SLC10A7: variants seen among roughly 807,000 people sequenced by gnomAD.
The protein encoded by SLC10A7 is sodium/bile acid cotransporter 7.
SLC10A7 carries 29 observed loss-of-function variants against 43.2 expected under a neutral mutation model. The ratio of observed to expected loss-of-function variants is 0.67; its 90% confidence interval spans 0.50 to 0.92. The LOEUF (loss-of-function observed/expected upper bound fraction) is 0.92. SLC10A7 is among the 40% of genes least tolerant of loss of function. The probability of loss-of-function intolerance (pLI) is 0.00; values close to 1 mark genes in which losing one functional copy is unlikely to be tolerated. For missense variants in SLC10A7, 295 were observed against 403.2 expected (o/e 0.73, Z 2.30); for synonymous variants, 152 against 144.8 (o/e 1.05, Z -0.35).
chr4:146,470,710 G>A (rs1052817215), intron 4 of SLC10A7, among the ~76,000 whole-genome samples: 3 of 152,026 alleles, frequency 2.0e-5, no homozygotes, highest in African/African-American at 7.3e-5. Context: ...TTTTTCACCA[G>A]ATATATGATA....
intron 4 of SLC10A7, among the ~76,000 whole-genome samples, chr4:146,488,947 T>C (rs1428989753): frequency 2.0e-5 from 3 of 152,214 alleles, no homozygotes; most frequent in Non-Finnish European, 4.4e-5. Flanking sequence ...ACATTTCCTG[T>C]GTCCCTCATC....
intron 2 of SLC10A7, among the ~76,000 whole-genome samples, chr4:146,516,483 T>C (rs548595335): frequency 8.8e-5 from 13 of 148,120 alleles, no homozygotes; most frequent in African/African-American, 2.7e-4. Flanking sequence ...TATGTGTATA[T>C]ATATACACAT....
chr4:146,278,867 T>C (rs1239586317), intron 10 of SLC10A7, among the ~76,000 whole-genome samples: 1 of 152,164 alleles, frequency 6.6e-6, no homozygotes, highest in Non-Finnish European at 1.5e-5. Context: ...AGGGATGTGC[T>C]CTTTATCCTA....
intron 5 of SLC10A7, among the ~76,000 whole-genome samples, chr4:146,354,277 T>G (rs1735386170): frequency 6.6e-6 from 1 of 151,442 alleles, no homozygotes; most frequent in African/African-American, 2.4e-5. Flanking sequence ...ATGAGTGAAC[T>G]CCCATTCACA....
chr4:146,356,944 T>G lies in SLC10A7; in HGVS notation c.436-30948A>C, dbSNP rs1002648955. On this transcript the variant is annotated intron_variant, in intron 5 of 11. Transcript: ENST00000335472. ...ATACAGTATACCTTTATTGAAAGTT[T>G]CCAAGGAATAAACTTGCAAGGAAAC... Among the ~76,000 whole-genome samples the G allele has an allele frequency of 2.0e-5, 3 of 152,200 alleles. No individual in the cohort carries two copies. In the East Asian group the frequency reaches 5.8e-4, roughly 29 times the overall value.
At chr4:146,406,441 G>C (rs1379090531) in intron 5 of SLC10A7, among the ~76,000 whole-genome samples, 1 of 151,968 alleles carries the variant, frequency 6.6e-6, no homozygotes, top group Non-Finnish European at 1.5e-5. Context: ...ATTTATTTTG[G>C]ACCATATTAG....
intron 5 of SLC10A7, among the ~76,000 whole-genome samples, chr4:146,432,592 G>A (rs970266671): frequency 6.6e-6 from 1 of 152,186 alleles, no homozygotes; most frequent in African/African-American, 2.4e-5. Flanking sequence ...AGAGACTGAG[G>A]ATAAGGGAGG....
chr4:146,426,409 T>C (rs1177025388), intron 5 of SLC10A7, among the ~76,000 whole-genome samples: 1 of 152,204 alleles, frequency 6.6e-6, no homozygotes, highest in Non-Finnish European at 1.5e-5. Flanking sequence ...CCAGGTGCTG[T>C]GGCTCACATC....
intron 4 of SLC10A7, among the ~76,000 whole-genome samples, chr4:146,486,693 T>G (rs1734948464): frequency 6.6e-6 from 1 of 152,192 alleles, no homozygotes; most frequent in Non-Finnish European, 1.5e-5. Context: ...CAGAAGTTCT[T>G]TTATGTTTGA....
In SLC10A7 at chr4:146,293,920, T is replaced by C. The variant is rs1214386957; in HGVS notation, c.721+10A>G. 1 of 1,599,762 alleles carries C rather than the reference T, an allele frequency of 6.3e-7. No individual in the cohort carries two copies. Among genetic ancestry groups the C allele is most frequent in the South Asian group, 1.1e-5 (1 of 88,496 alleles). ...GAGGGATAGCCAGGCTATCCCATTT[T>C]CCAACTTACTTATGAACAGTATGAG... is the stretch of plus-strand genomic sequence containing the variant. On this transcript the variant is annotated intron_variant, in intron 8 of 11. Transcript: ENST00000335472.
At position 146,396,016 on chromosome 4, in the gene SLC10A7, G is replaced by A. The variant is rs191203819; in HGVS notation, c.435+46767C>T. Among the ~76,000 whole-genome samples the A allele has an allele frequency of 2.8e-4, 43 of 152,152 alleles. No individual in the cohort carries two copies. In the East Asian group the frequency reaches 4.4e-3, roughly 16 times the overall value. On this transcript the variant is annotated intron_variant, in intron 5 of 11. Coordinates refer to ENST00000335472, the MANE Select transcript of SLC10A7 (RefSeq NM_001029998.6). Reference sequence around the variant, plus strand: ...GTATCATGGATTGCTCTCATTATACGACAATCTACGAGGTTTTTCTCCCAC... The same window carrying A: ...GTATCATGGATTGCTCTCATTATACAACAATCTACGAGGTTTTTCTCCCAC...
At chr4:146,445,782 C>T (rs975147084) in intron 4 of SLC10A7, among the ~76,000 whole-genome samples, 2 of 152,074 alleles carry the variant, frequency 1.3e-5, no homozygotes, top group Admixed American at 6.6e-5. Flanking sequence ...GAAAATCTTC[C>T]GCGGGAGTCT....
At chr4:146,367,138 G>C (rs980375750) in intron 5 of SLC10A7, among the ~76,000 whole-genome samples, 14 of 152,020 alleles carry the variant, frequency 9.2e-5, no homozygotes, top group Admixed American at 2.0e-4. Flanking sequence ...AAGATATCAA[G>C]ATGAATACCA....
At chr4:146,519,095 AT>A (rs768498569) in intron 1 of SLC10A7, among the ~76,000 whole-genome samples, 6,782 of 109,870 alleles carry the variant, frequency 0.062, 774 homozygotes, top group Admixed American at 0.11. Context: ...ATATATATAT[AT>A]ATATATATAT....
At chr4:146,307,536 C>A (rs533206821) in intron 6 of SLC10A7, among the ~76,000 whole-genome samples, 11 of 152,212 alleles carry the variant, frequency 7.2e-5, no homozygotes, top group African/African-American at 2.4e-4. Context: ...ATTCTCTCCA[C>A]AAATATTAAC....
intron 4 of SLC10A7, among the ~76,000 whole-genome samples, chr4:146,483,936 G>T (rs1031199013): frequency 2.0e-5 from 3 of 152,152 alleles, no homozygotes; most frequent in Non-Finnish European, 4.4e-5. Flanking sequence ...CATAACCACA[G>T]TAAATATTTA....
intron 11 of SLC10A7, chr4:146,256,914 G>A (rs748865790): frequency 5.2e-6 from 8 of 1,536,254 alleles, no homozygotes; most frequent in Non-Finnish European, 7.0e-6. Flanking sequence ...GTTAGCCAGT[G>A]GCCCCCTGGT....
Position 146,470,645 on chromosome 4 carries a change from T to C in SLC10A7, c.397-27824A>G, listed in dbSNP as rs548442620. Among the ~76,000 whole-genome samples, 56 of 152,280 alleles carry C rather than the reference T, an allele frequency of 3.7e-4. No individual in the cohort carries two copies. In the South Asian group the frequency reaches 0.011, roughly 29 times the overall value. On this transcript the variant is annotated intron_variant, in intron 4 of 11. Coordinates refer to ENST00000335472, the MANE Select transcript of SLC10A7 (RefSeq NM_001029998.6). Reference sequence around the variant, plus strand: ...AACTTGAACACAGTTTTTCCTAGAGTATTAAAATGATGTTTACATATTTAT... The same window carrying C: ...AACTTGAACACAGTTTTTCCTAGAGCATTAAAATGATGTTTACATATTTAT...
At chr4:146,292,798 G>A (rs1395639059) in intron 9 of SLC10A7, 131 bp downstream of exon 9, 6 of 608,646 alleles carry the variant, frequency 9.9e-6, no homozygotes, top group Admixed American at 7.0e-5. Context: ...AGGCAGAATG[G>A]TCAGGGAGAC....
Sources: gnomAD v4.1 joint callset for allele counts (sites outside exome capture counted in the v4.1 genomes callset) on GRCh38, gnomAD v4.1.1 for gene constraint, MANE v1.5 for transcripts, NCBI Gene and HGNC (gene_info 2026-07-23, HGNC 2026-07-21) for gene names.